The following SH3GL3 variants were observed in gnomAD, a reference collection of about 807,000 sequenced individuals.
SH3GL3 encodes the protein endophilin-A3.
In SH3GL3, 33 loss-of-function variants were observed where a neutral mutation model predicts 47.7. The ratio of observed to expected loss-of-function variants is 0.69; its 90% CI spans 0.52 to 0.92. The LOEUF (loss-of-function observed/expected upper bound fraction) is 0.92, where lower values mean the gene tolerates loss of function less well. Among genes scored for constraint, SH3GL3 ranks in the 40% least tolerant of loss-of-function variants. The probability of loss-of-function intolerance (pLI) is 0.00; values close to 1 mark genes in which losing one functional copy is unlikely to be tolerated. For synonymous variants in SH3GL3, 155 were observed against 148.8 expected (o/e 1.04, Z -0.30); for missense variants, 363 against 417.8 (o/e 0.87, Z 1.14).
At chr15:83,530,512 G>A (rs1041852500) in intron 1 of SH3GL3, among the ~76,000 whole-genome samples, 1 of 152,048 alleles carries the variant, frequency 6.6e-6, no homozygotes, top group Non-Finnish European at 1.5e-5. Flanking sequence ...TATTTGAAAT[G>A]TGATTATCTA....
intron 1 of SH3GL3, among the ~76,000 whole-genome samples, chr15:83,473,578 C>T (rs1465442229): frequency 7.3e-5 from 11 of 151,086 alleles, no homozygotes; most frequent in Admixed American, 5.9e-4. Context: ...GACAGAGTCT[C>T]GCTCTGTCGC....
At chr15:83,489,527 G>C (rs555933260) in intron 1 of SH3GL3, among the ~76,000 whole-genome samples, 11 of 152,282 alleles carry the variant, frequency 7.2e-5, no homozygotes, top group African/African-American at 2.6e-4. Context: ...CAGCCCAAGG[G>C]CAGGTTTATG....
At chr15:83,585,830 A>G (rs1406945958) in intron 6 of SH3GL3, among the ~76,000 whole-genome samples, 1 of 152,206 alleles carries the variant, frequency 6.6e-6, no homozygotes, top group Non-Finnish European at 1.5e-5. Flanking sequence ...TCTTACATGC[A>G]TATTGAGCCC....
chr15:83,517,890 CA>C (rs1298130362), intron 1 of SH3GL3, among the ~76,000 whole-genome samples: 2 of 152,114 alleles, frequency 1.3e-5, no homozygotes, highest in Non-Finnish European at 2.9e-5. Flanking sequence ...TTTCACCCCT[CA>C]CCTCCAGTTC....
chr15:83,489,949 A>G (rs2041804621), intron 1 of SH3GL3, among the ~76,000 whole-genome samples: 1 of 152,228 alleles, frequency 6.6e-6, no homozygotes, highest in Non-Finnish European at 1.5e-5. Context: ...CAGATAGATG[A>G]TAGATTATAA....
intron 1 of SH3GL3, among the ~76,000 whole-genome samples, chr15:83,472,820 G>A (rs2040891151): frequency 6.6e-6 from 1 of 152,164 alleles, no homozygotes; most frequent in African/African-American, 2.4e-5. Context: ...TAATTACATT[G>A]TCTGGTTTTG....
chr15:83,548,309 T>C (rs1200662589), intron 1 of SH3GL3, among the ~76,000 whole-genome samples: 1 of 150,940 alleles, frequency 6.6e-6, no homozygotes, highest in Non-Finnish European at 1.5e-5. Flanking sequence ...TTCCATTTGT[T>C]TCCATTTATA....
At chr15:83,545,954 TG>T (rs536335140) in intron 1 of SH3GL3, among the ~76,000 whole-genome samples, 289 of 152,338 alleles carry the variant, frequency 1.9e-3, no homozygotes, top group Middle Eastern at 0.01. Flanking sequence ...TGACCATCAC[TG>T]CTGAGATTGT....
At chr15:83,612,632 G>A (rs920962255) in intron 8 of SH3GL3, among the ~76,000 whole-genome samples, 1 of 152,168 alleles carries the variant, frequency 6.6e-6, no homozygotes, top group Non-Finnish European at 1.5e-5. Context: ...TGTGGAAAGT[G>A]GAGTCTAAGA....
the SH3GL3 span, among the ~76,000 whole-genome samples, chr15:83,628,946 A>G: frequency 6.6e-6 from 1 of 152,196 alleles, no homozygotes; most frequent in South Asian, 2.1e-4. Flanking sequence ...TGTACCAGGA[A>G]CAATTATTAA....
At chr15:83,565,261 G>A (rs764305405) in intron 3 of SH3GL3, 55 bp downstream of exon 3, 19 of 943,420 alleles carry the variant, frequency 2.0e-5, no homozygotes, top group Admixed American at 1.8e-5. Context: ...AATAACCCAT[G>A]TTTACTTGGT....
intron 1 of SH3GL3, among the ~76,000 whole-genome samples, chr15:83,501,024 A>G (rs1373214911): frequency 2.0e-5 from 3 of 152,180 alleles, no homozygotes; most frequent in Non-Finnish European, 2.9e-5. Context: ...GAAACTTAGT[A>G]CTTTTTGGAA....
chr15:83,544,629 G>A (rs2044318044), intron 1 of SH3GL3, among the ~76,000 whole-genome samples: 1 of 152,082 alleles, frequency 6.6e-6, no homozygotes, highest in Non-Finnish European at 1.5e-5. Context: ...GCTCATTAAT[G>A]TTCTTTTCTT....
At chr15:83,468,126 T>A (rs368777115) in intron 1 of SH3GL3, among the ~76,000 whole-genome samples, 5 of 152,218 alleles carry the variant, frequency 3.3e-5, no homozygotes, top group African/African-American at 7.2e-5. Flanking sequence ...CACTGCGCCC[T>A]GCCAGGTATT....
chr15:83,627,629 C>G, the SH3GL3 span, among the ~76,000 whole-genome samples: 1 of 152,072 alleles, frequency 6.6e-6, no homozygotes, highest in African/African-American at 2.4e-5. Context: ...GGTCCTAACC[C>G]CTACATTTTG....
chr15:83,450,751 A>AT (rs1434019712), intron 1 of SH3GL3, among the ~76,000 whole-genome samples: 24 of 39,456 alleles, frequency 6.1e-4, no homozygotes, highest in African/African-American at 8.8e-4. Flanking sequence ...TTAAAATGGG[A>AT]TATTTTTCTT....
chr15:83,541,199 C>T (rs1295437105), intron 1 of SH3GL3, among the ~76,000 whole-genome samples: 1 of 151,312 alleles, frequency 6.6e-6, no homozygotes, highest in Non-Finnish European at 1.5e-5. Flanking sequence ...GATTCCAAAT[C>T]TTGGCTATTG....
At chr15:83,480,790 C>T (rs903136282) in intron 1 of SH3GL3, among the ~76,000 whole-genome samples, 4 of 152,132 alleles carry the variant, frequency 2.6e-5, no homozygotes, top group African/African-American at 9.7e-5. Flanking sequence ...ATTTAAAGTG[C>T]TGTATATGCA....
At chr15:83,554,331 G>A (rs1186723965) in intron 1 of SH3GL3, among the ~76,000 whole-genome samples, 1 of 152,128 alleles carries the variant, frequency 6.6e-6, no homozygotes, top group Non-Finnish European at 1.5e-5. Context: ...GGGATTACAG[G>A]CATGCGCCAC....
Sources: gnomAD v4.1 joint callset for allele counts (sites outside exome capture counted in the v4.1 genomes callset) on GRCh38, gnomAD v4.1.1 for gene constraint, MANE v1.5 for transcripts, NCBI Gene and HGNC (gene_info 2026-07-23, HGNC 2026-07-21) for gene names.